KCNH8: variants seen among roughly 807,000 people sequenced by gnomAD.
KCNH8 encodes the protein voltage-gated delayed rectifier potassium channel KCNH8.
KCNH8 carries 70 observed loss-of-function variants against 103.6 expected under a neutral mutation model. The ratio of observed to expected loss-of-function variants is 0.68; its 90% confidence interval spans 0.56 to 0.82. The LOEUF is 0.82. Among genes scored for constraint, KCNH8 ranks in the 40% least tolerant of loss-of-function variants. KCNH8 has a pLI of 0.00. For missense variants in KCNH8, 1,217 were observed against 1,329.9 expected (o/e 0.92, Z 1.32); for synonymous variants, 498 against 489.4 (o/e 1.02, Z -0.23).
At position 19,500,268 on chromosome 3, in the gene KCNH8, G is replaced by C. The variant is rs532475109; in HGVS notation, c.2041-10095G>C. Among the ~76,000 whole-genome samples the C allele has an allele frequency of 3.9e-5, 6 of 152,198 alleles. No individual in the cohort carries two copies. In the South Asian group the frequency reaches 1.2e-3, roughly 32 times the overall value. On this transcript the variant is annotated intron_variant, in intron 11 of 15. Transcript: ENST00000328405. ...AAATATATATGCACCCAATACAAGAGCACCCAGAATCATAAAGCAAGTCCT... is the reference window on the plus strand; with the variant it reads ...AAATATATATGCACCCAATACAAGACCACCCAGAATCATAAAGCAAGTCCT...
At chr3:19,378,751 T>C (rs2066246823) in intron 5 of KCNH8, among the ~76,000 whole-genome samples, 1 of 152,240 alleles carries the variant, frequency 6.6e-6, no homozygotes, top group African/African-American at 2.4e-5. Context: ...GATGATATAC[T>C]TTATGGTGAC....
chr3:19,346,960 G>T (rs2065737819), intron 4 of KCNH8, among the ~76,000 whole-genome samples: 1 of 152,076 alleles, frequency 6.6e-6, no homozygotes, highest in Non-Finnish European at 1.5e-5. Flanking sequence ...TCAAAGTGAA[G>T]TGCTTTTGCA....
intron 7 of KCNH8, among the ~76,000 whole-genome samples, chr3:19,418,212 G>A (rs1050139525): frequency 1.3e-5 from 2 of 152,282 alleles, no homozygotes; most frequent in Non-Finnish European, 1.5e-5. Context: ...GTGTATTTGA[G>A]GAATTGTGAG....
At chr3:19,341,234 G>A (rs1320185231) in intron 3 of KCNH8, among the ~76,000 whole-genome samples, 1 of 152,060 alleles carries the variant, frequency 6.6e-6, no homozygotes, top group Non-Finnish European at 1.5e-5. Flanking sequence ...GTTATATACT[G>A]GTTAAACTCC....
At chr3:19,175,264 C>A (rs1246077684) in intron 1 of KCNH8, among the ~76,000 whole-genome samples, 2 of 150,808 alleles carry the variant, frequency 1.3e-5, no homozygotes, top group Admixed American at 1.3e-4. Context: ...CTCTGTCACC[C>A]AGGCTGGAGT....
rs144919803 is a variant in KCNH8, at chr3:19,497,742, T to C, written c.2041-12621T>C. On this transcript the variant is annotated intron_variant, in intron 11 of 15. Transcript: ENST00000328405. ...TGTTTTGGGTGGAGAGTTTTGTAGA[T>C]ACTTGACAGATCCATTTATTCAAGT... 3.9e-5 allele frequency among the ~76,000 whole-genome samples: 6 copies of C among 152,354 alleles called. 1 individual carries two copies. Among genetic ancestry groups the C allele is most frequent in the African/African-American group, 9.6e-5 (4 of 41,584 alleles).
At chr3:19,419,257 T>C (rs868620927) in intron 7 of KCNH8, among the ~76,000 whole-genome samples, 90 of 145,042 alleles carry the variant, frequency 6.2e-4, no homozygotes, top group African/African-American at 2.2e-3. Context: ...TGGAGTGCAG[T>C]GGCGCGATCT....
intron 1 of KCNH8, among the ~76,000 whole-genome samples, chr3:19,189,932 T>C (rs2063535518): frequency 6.6e-6 from 1 of 151,324 alleles, no homozygotes; most frequent in South Asian, 2.1e-4. Context: ...TTGACTATAA[T>C]TTTAAAATTC....
chr3:19,274,852 TCCCCTCCCCACCCCTCCCCTCCCCA>T (rs2064642619), intron 2 of KCNH8, among the ~76,000 whole-genome samples: 1 of 7,240 alleles, frequency 1.4e-4, no homozygotes, highest in Non-Finnish European at 2.6e-4. Context: ...ACCCCTCCCC[TCCCCTCCCCACCCCTCCCCTCCCCA>T]CCCCTCCCCT....
At chr3:19,226,623 G>GCACACACACACAAA (rs530410138) in intron 1 of KCNH8, among the ~76,000 whole-genome samples, 3 of 145,738 alleles carry the variant, frequency 2.1e-5, no homozygotes, top group African/African-American at 7.6e-5. Context: ...ACACATGCAT[G>GCACACACACACAAA]CACACACACA....
At chr3:19,426,321 A>C (rs1049599327) in intron 7 of KCNH8, among the ~76,000 whole-genome samples, 2 of 152,080 alleles carry the variant, frequency 1.3e-5, no homozygotes, top group African/African-American at 4.8e-5. Context: ...AAATTAAAAC[A>C]TGCTTCTCAA....
Position 19,533,873 on chromosome 3 carries a change from C to T in KCNH8, c.3098C>T (p.Ser1033Phe), listed in dbSNP as rs1220142622. Residue 1033 changes from serine to phenylalanine, a missense_variant, in exon 16 of 16, where the codon TCT (serine) becomes TTT (phenylalanine). Ser to Phe is a radical substitution (Grantham distance 155, BLOSUM62 -2). Around this residue, in one of 3 missense-constraint regions of KCNH8, gnomAD observed 558 missense variants for 495.8 expected, o/e 1.13. Coordinates refer to ENST00000328405, the MANE Select transcript of KCNH8 (RefSeq NM_144633.3). ...LQSISATLSSSVCSSSETSLH... is the reference protein window; with the variant it reads ...LQSISATLSSFVCSSSETSLH... Reference sequence around the variant, plus strand: ...TCCATTTCAGCAACTCTCTCATCTTCTGTCTGCTCCTCTTCGGAAACATCT... The same window carrying T: ...TCCATTTCAGCAACTCTCTCATCTTTTGTCTGCTCCTCTTCGGAAACATCT... 6.2e-7 allele frequency: 1 copy of T among 1,614,174 alleles called. No individual in the cohort carries two copies. The highest frequency in any genetic ancestry group is 8.5e-7 in the Non-Finnish European group (1 of 1,180,018).
chr3:19,230,678 G>A lies in KCNH8; in HGVS notation c.77-22976G>A, dbSNP rs569363887. ...TCAGTTATCATCAGTAACTCTTTATGTACTGTAAACATTTATTGTGCTCAA... is the reference window on the plus strand; with the variant it reads ...TCAGTTATCATCAGTAACTCTTTATATACTGTAAACATTTATTGTGCTCAA... On this transcript the variant is annotated intron_variant, in intron 1 of 15. Coordinates refer to ENST00000328405, the MANE Select transcript of KCNH8 (RefSeq NM_144633.3). Among the ~76,000 whole-genome samples, 174 of 150,888 alleles carry A rather than the reference G, an allele frequency of 1.2e-3. No individual in the cohort carries two copies. The Middle Eastern group carries it at 0.017, about 15-fold the overall frequency.
At chr3:19,394,331 C>A (rs553250610) in intron 6 of KCNH8, among the ~76,000 whole-genome samples, 14 of 152,146 alleles carry the variant, frequency 9.2e-5, no homozygotes, top group Non-Finnish European at 1.9e-4. Flanking sequence ...ACCAATGATA[C>A]ATATTTTTCA....
chr3:19,365,587 A>G (rs1314243567), intron 5 of KCNH8, among the ~76,000 whole-genome samples: 4 of 152,066 alleles, frequency 2.6e-5, no homozygotes, highest in Non-Finnish European at 4.4e-5. Flanking sequence ...TGAAAAATAT[A>G]TTTATTTACT....
Position 19,534,020 on chromosome 3 carries a change from C to A in KCNH8, c.3245C>A (p.Thr1082Lys). 3 of 1,614,174 alleles carry A rather than the reference C, an allele frequency of 1.9e-6. No homozygotes were observed. The highest frequency in any genetic ancestry group is 2.5e-6 in the Non-Finnish European group (3 of 1,180,012). ...CAGGAAGGAATGGCATCAGCTTCTA[C>A]AAAACCTTTGGAGAACCTTCCACTG... is the stretch of plus-strand genomic sequence containing the variant. ...WNQEGMASAS[T>K]KPLENLPLEV... is the part of the protein sequence containing the mutation. The change falls in exon 16 of 16, where the codon ACA (threonine) becomes AAA (lysine). Residue 1082 changes from threonine to lysine, a missense_variant. Around this residue, in one of 3 missense-constraint regions of KCNH8, gnomAD observed 558 missense variants for 495.8 expected, o/e 1.13. Coordinates refer to ENST00000328405, the MANE Select transcript of KCNH8 (RefSeq NM_144633.3).
intron 5 of KCNH8, among the ~76,000 whole-genome samples, chr3:19,379,016 G>A (rs2218274): frequency 0.19 from 28,855 of 151,908 alleles, 2,778 homozygotes; most frequent in Middle Eastern, 0.26. Flanking sequence ...TTCATTAAAG[G>A]TACCACATAA....
At chr3:19,332,371 A>G (rs759488679) in intron 3 of KCNH8, among the ~76,000 whole-genome samples, 6 of 152,130 alleles carry the variant, frequency 3.9e-5, no homozygotes, top group Non-Finnish European at 7.4e-5. Flanking sequence ...AACTTTTTCC[A>G]CTGGACATAA....
rs147741177 is a variant in KCNH8 at position 19,496,501 on chromosome 3, A to T, written c.2041-13862A>T. On this transcript the variant is annotated intron_variant, in intron 11 of 15. Transcript: ENST00000328405. Reference sequence around the variant, plus strand: ...TTTACGTGATGAATCATATTTATTTATTTGTGTATGTTGAACCAACTTTGC... The same window carrying T: ...TTTACGTGATGAATCATATTTATTTTTTTGTGTATGTTGAACCAACTTTGC... Among the ~76,000 whole-genome samples, 55 of 152,166 alleles carry T rather than the reference A, an allele frequency of 3.6e-4. No individual in the cohort carries two copies. The East Asian group carries it at 0.01, about 28-fold the overall frequency.
Sources: gnomAD v4.1 joint callset for allele counts (sites outside exome capture counted in the v4.1 genomes callset) on GRCh38, gnomAD v4.1.1 for gene constraint, gnomAD v4.1.1 regional missense constraint, MANE v1.5 for transcripts, NCBI Gene and HGNC (gene_info 2026-07-23, HGNC 2026-07-21) for gene names.